Variants in AKAP6 observed in about 807,000 individuals in gnomAD.
The protein encoded by AKAP6 is A-kinase anchor protein 6.
Under a neutral mutation model 188.5 loss-of-function variants are expected in AKAP6, and 58 were observed. That is an observed-to-expected ratio of 0.31 (90% CI 0.25 to 0.38). The LOEUF (loss-of-function observed/expected upper bound fraction) is 0.38. Ranked by LOEUF, AKAP6 falls within the 10% of genes least tolerant of loss-of-function variation. The pLI is 1.00. For synonymous variants in AKAP6, 989 were observed against 998.6 expected (o/e 0.99, Z 0.18); for missense variants, 2,710 against 2,740.0 (o/e 0.99, Z 0.24).
At chr14:32,742,668 G>C (rs1405868127) in intron 11 of AKAP6, among the ~76,000 whole-genome samples, 1 of 151,834 alleles carries the variant, frequency 6.6e-6, no homozygotes, top group Non-Finnish European at 1.5e-5. Context: ...CCTTGTGTTT[G>C]TATAGTTTCC....
At chr14:32,829,377 A>G (rs2034764792) in intron 13 of AKAP6, among the ~76,000 whole-genome samples, 1 of 152,222 alleles carries the variant, frequency 6.6e-6, no homozygotes, top group South Asian at 2.1e-4. Context: ...GTTCGATATC[A>G]TGCATAAAAT....
chr14:32,751,502 T>TC, intron 11 of AKAP6, among the ~76,000 whole-genome samples: 1 of 150,332 alleles, frequency 6.7e-6, no homozygotes, highest in African/African-American at 2.4e-5. Context: ...TTTTCACTTT[T>TC]TTTTTTTTTT....
At chr14:32,503,888 C>G (rs1401402113) in intron 2 of AKAP6, among the ~76,000 whole-genome samples, 1 of 151,854 alleles carries the variant, frequency 6.6e-6, no homozygotes, top group African/African-American at 2.4e-5. Flanking sequence ...CCAACTCTTT[C>G]CCATCCTACC....
intron 12 of AKAP6, among the ~76,000 whole-genome samples, chr14:32,787,501 A>G (rs1419068399): frequency 6.6e-6 from 1 of 150,544 alleles, no homozygotes; most frequent in East Asian, 2.0e-4. Context: ...CTGAACAAAA[A>G]TAGATCTAGA....
At chr14:32,722,545 A>G (rs2139792214) in intron 9 of AKAP6, among the ~76,000 whole-genome samples, 1 of 152,002 alleles carries the variant, frequency 6.6e-6, no homozygotes, top group African/African-American at 2.4e-5. Context: ...CTGGCCCACC[A>G]CGCCCCCTAC....
At chr14:32,601,803 T>C (rs374746158) in intron 7 of AKAP6, among the ~76,000 whole-genome samples, 3 of 152,336 alleles carry the variant, frequency 2.0e-5, no homozygotes, top group East Asian at 3.9e-4. Flanking sequence ...CCTCTTAGAC[T>C]CACATTTTTA....
intron 7 of AKAP6, among the ~76,000 whole-genome samples, chr14:32,601,787 C>T (rs1251041153): frequency 6.6e-6 from 1 of 152,230 alleles, no homozygotes; most frequent in Non-Finnish European, 1.5e-5. Flanking sequence ...TAAACAAATA[C>T]TTTGCCCTCT....
chr14:32,631,479 A>T (rs1887270987), intron 7 of AKAP6, among the ~76,000 whole-genome samples: 1 of 152,114 alleles, frequency 6.6e-6, no homozygotes, highest in Admixed American at 6.6e-5. Context: ...ATATGGCAAG[A>T]AAGTTAGTAA....
chr14:32,483,007 A>ATGTGTGTGTGTG (rs796833606), intron 2 of AKAP6, among the ~76,000 whole-genome samples: 39,634 of 147,472 alleles, frequency 0.27, 6,155 homozygotes, highest in South Asian at 0.41. Flanking sequence ...ATATATATAT[A>ATGTGTGTGTGTG]TATATGTATC....
At chr14:32,715,619 TA>T (rs2030149840) in intron 9 of AKAP6, among the ~76,000 whole-genome samples, 1 of 151,930 alleles carries the variant, frequency 6.6e-6, no homozygotes, top group African/African-American at 2.4e-5. Context: ...TAATGCATTT[TA>T]GGGGGAAAAA....
chr14:32,359,372 A>G (rs995017289), intron 1 of AKAP6, among the ~76,000 whole-genome samples: 10 of 152,290 alleles, frequency 6.6e-5, no homozygotes, highest in African/African-American at 1.7e-4. Flanking sequence ...AGAAAAAAGG[A>G]AAGTCATACT....
At chr14:32,715,663 C>G (rs1474357711) in intron 9 of AKAP6, among the ~76,000 whole-genome samples, 3 of 151,732 alleles carry the variant, frequency 2.0e-5, no homozygotes, top group African/African-American at 7.3e-5. Context: ...TTGGCATGTT[C>G]CTAGGATTTT....
At chr14:32,769,984 A>G (rs2139980474) in intron 11 of AKAP6, among the ~76,000 whole-genome samples, 1 of 152,354 alleles carries the variant, frequency 6.6e-6, no homozygotes. Context: ...CAGTATTGAA[A>G]GTCTTAACTT....
At chr14:32,337,922 A>T (rs770021668) in intron 1 of AKAP6, among the ~76,000 whole-genome samples, 13 of 152,088 alleles carry the variant, frequency 8.5e-5, no homozygotes, top group Non-Finnish European at 1.9e-4. Context: ...CAGGAGGCTG[A>T]GGGGGGAGGA....
At chr14:32,524,315 G>A (rs1309495169) in intron 2 of AKAP6, among the ~76,000 whole-genome samples, 1 of 152,138 alleles carries the variant, frequency 6.6e-6, no homozygotes, top group Non-Finnish European at 1.5e-5. Flanking sequence ...ATGGAAAGGG[G>A]ACAGGCGGAA....
At chr14:32,403,061 A>G (rs944669907) in intron 1 of AKAP6, 3 of 152,184 alleles carry the variant, frequency 2.0e-5, no homozygotes, top group African/African-American at 4.8e-5. Context: ...CCTGTGAAGT[A>G]TACAACACTG....
rs10131401 is a variant in AKAP6 at position 32,802,396 on chromosome 14, T to G, written c.3589-19006T>G. Among the ~76,000 whole-genome samples the G allele has an allele frequency of 3.8e-3, 573 of 152,264 alleles. 5 individuals are homozygous for G. Among genetic ancestry groups the G allele is most frequent in the African/African-American group, 0.013 (544 of 41,562 alleles). ...ATGGGCAGAAGATATGACCAAGTGA[T>G]TCACAAAGTAATAAATACAAAAGGT... On this transcript the variant is annotated intron_variant, in intron 12 of 13. Coordinates refer to ENST00000280979, the MANE Select transcript of AKAP6 (RefSeq NM_004274.5).
chr14:32,462,505 T>G (rs1200273858), intron 2 of AKAP6, among the ~76,000 whole-genome samples: 1 of 152,124 alleles, frequency 6.6e-6, no homozygotes, highest in Non-Finnish European at 1.5e-5. Context: ...AGAAATAAAA[T>G]TCTTTATAGA....
At position 32,546,649 on chromosome 14, in the gene AKAP6, A is replaced by C. The variant is rs1473885987; in HGVS notation, c.1996A>C (p.Ile666Leu). 6.2e-7 allele frequency: 1 copy of C among 1,614,194 alleles called. No homozygotes were observed. The highest frequency in any genetic ancestry group is 1.7e-5 in the Admixed American group (1 of 60,024). ...ACCCAGAGGAGAAACCATCCAGAAT[A>C]TTGATGACTGGGAACTGTCTGAAAT... ...QKPRGETIQN[I>L]DDWELSEMNS... The change falls in exon 4 of 14, where the codon ATT becomes CTT. Residue 666 changes from isoleucine to leucine, a missense_variant. By Grantham distance (5) the Ile-to-Leu change is conservative. Coordinates refer to ENST00000280979, the MANE Select transcript of AKAP6 (RefSeq NM_004274.5).
Sources: gnomAD v4.1 joint callset for allele counts (sites outside exome capture counted in the v4.1 genomes callset) on GRCh38, gnomAD v4.1.1 for gene constraint, MANE v1.5 for transcripts, NCBI Gene and HGNC (gene_info 2026-07-23, HGNC 2026-07-21) for gene names.